The following ITPK1 variants were observed in gnomAD, a reference collection of about 807,000 sequenced individuals.
ITPK1 encodes the protein inositol-tetrakisphosphate 1-kinase, also known as inositol 1,3,4-trisphosphate 5/6-kinase.
A neutral mutation model predicts 45.3 loss-of-function variants in ITPK1; 21 were observed. The observed-to-expected ratio is 0.46, with a 90% CI of 0.33 to 0.67. The LOEUF (loss-of-function observed/expected upper bound fraction) is 0.67. Ranked by LOEUF, ITPK1 falls within the 30% of genes least tolerant of loss-of-function variation. The pLI, the probability that ITPK1 is intolerant of heterozygous loss-of-function variation, is 0.02. For synonymous variants in ITPK1, 258 were observed against 253.6 expected (o/e 1.02, Z -0.16); for missense variants, 474 against 573.5 (o/e 0.83, Z 1.77).
At chr14:93,096,851 C>T (rs1406101287) in intron 2 of ITPK1, among the ~76,000 whole-genome samples, 1 of 152,160 alleles carries the variant, frequency 6.6e-6, no homozygotes, top group African/African-American at 2.4e-5. Flanking sequence ...ACACCAGGCC[C>T]CAATCCAGGA....
At chr14:93,022,657 G>A (rs1047850001) in intron 3 of ITPK1, among the ~76,000 whole-genome samples, 6 of 151,858 alleles carry the variant, frequency 4.0e-5, no homozygotes, top group African/African-American at 7.3e-5. Context: ...GATTACAAGC[G>A]TGCACCACCA....
intron 8 of ITPK1, among the ~76,000 whole-genome samples, chr14:92,954,666 C>T (rs750096271): frequency 1.3e-5 from 2 of 152,142 alleles, no homozygotes; most frequent in African/African-American, 2.4e-5. Flanking sequence ...TAAGATTAGC[C>T]CCCAAACATC....
At chr14:92,983,633 G>A (rs1024288592) in intron 5 of ITPK1, among the ~76,000 whole-genome samples, 1 of 152,124 alleles carries the variant, frequency 6.6e-6, no homozygotes, top group Admixed American at 6.5e-5. Flanking sequence ...CATCAATCGA[G>A]GTGGGTACGG....
intron 3 of ITPK1, among the ~76,000 whole-genome samples, chr14:93,025,580 AT>A (rs1235711489): frequency 6.6e-6 from 1 of 152,182 alleles, no homozygotes; most frequent in African/African-American, 2.4e-5. Context: ...TCTCAACAAC[AT>A]TTACTTACCC....
intron 3 of ITPK1, among the ~76,000 whole-genome samples, chr14:93,029,721 G>A (rs1272455482): frequency 1.3e-5 from 2 of 152,142 alleles, no homozygotes; most frequent in African/African-American, 4.8e-5. Context: ...TCCTGGGCAT[G>A]ACTCTTGTCC....
intron 10 of ITPK1, among the ~76,000 whole-genome samples, chr14:92,944,762 T>C (rs1481455331): frequency 6.6e-6 from 1 of 152,128 alleles, no homozygotes; most frequent in Non-Finnish European, 1.5e-5. Flanking sequence ...GGTTCCCTCA[T>C]ACCTGCCAGC....
At position 93,062,855 on chromosome 14, in the gene ITPK1, G is replaced by T. The variant is rs935010939; in HGVS notation, c.120+13740C>A. Among the ~76,000 whole-genome samples the T allele has an allele frequency of 1.2e-4, 19 of 152,346 alleles. 1 individual carries two copies. The highest frequency in any genetic ancestry group is 3.4e-4 in the African/African-American group (14 of 41,582). On this transcript the variant is annotated intron_variant, in intron 3 of 10. Coordinates refer to ENST00000267615, the MANE Select transcript of ITPK1 (RefSeq NM_014216.6). ...AAGAAGATATACTGGGTGGGCAGGGGTCCTTGTCCCTGATGGACAAAGGAA... is the reference window on the plus strand; with the variant it reads ...AAGAAGATATACTGGGTGGGCAGGGTTCCTTGTCCCTGATGGACAAAGGAA...
chr14:93,013,405 A>C (rs182472911), intron 4 of ITPK1, among the ~76,000 whole-genome samples: 1 of 152,294 alleles, frequency 6.6e-6, no homozygotes, highest in East Asian at 1.9e-4. Context: ...CCTGCCCACC[A>C]GGGCAGCCAG....
At chr14:93,109,303 C>A (rs1892648714) in intron 2 of ITPK1, among the ~76,000 whole-genome samples, 1 of 152,192 alleles carries the variant, frequency 6.6e-6, no homozygotes, top group African/African-American at 2.4e-5. Context: ...AACAGTAATA[C>A]ATATGGAGAG....
rs551054360 is a variant in ITPK1, at chr14:92,982,220, G to A, written c.364+11660C>T. The stretch of plus-strand genomic sequence containing the variant: ...AGTCAACCCCAAGATCCCTGTGGCC[G>A]GGCAACACCCTGCATGATCGCCAGA... On this transcript the variant is annotated intron_variant, in intron 5 of 10. Coordinates refer to ENST00000267615, the MANE Select transcript of ITPK1 (RefSeq NM_014216.6). Among the ~76,000 whole-genome samples the A allele has an allele frequency of 1.8e-3, 277 of 152,334 alleles. 1 individual carries two copies. The highest frequency in any genetic ancestry group is 3.0e-3 in the Admixed American group (46 of 15,304).
intron 8 of ITPK1, among the ~76,000 whole-genome samples, chr14:92,954,429 A>G (rs1205161632): frequency 6.6e-6 from 1 of 152,136 alleles, no homozygotes; most frequent in East Asian, 1.9e-4. Context: ...TTCCTCTAAC[A>G]CACCAGACCA....
At chr14:92,946,760 G>A (rs1047600231) in intron 9 of ITPK1, among the ~76,000 whole-genome samples, 3 of 152,252 alleles carry the variant, frequency 2.0e-5, no homozygotes, top group African/African-American at 7.2e-5. Context: ...ATTACACACA[G>A]GGAAACCGGA....
At chr14:92,955,288 T>G (rs1884637740) in intron 8 of ITPK1, among the ~76,000 whole-genome samples, 1 of 152,170 alleles carries the variant, frequency 6.6e-6, no homozygotes, top group Non-Finnish European at 1.5e-5. Context: ...TAATTTGGCC[T>G]TTTGCAAAAA....
intron 10 of ITPK1, among the ~76,000 whole-genome samples, chr14:92,942,122 A>C (rs970714022): frequency 1.3e-5 from 2 of 152,212 alleles, no homozygotes; most frequent in African/African-American, 4.8e-5. Flanking sequence ...CTCGACCTTC[A>C]GCTGTTGCCA....
Position 93,076,644 on chromosome 14 carries a change from A to G in ITPK1, c.96-25T>C, listed in dbSNP as rs779000393. The G allele has an allele frequency of 6.2e-7, 1 of 1,614,020 alleles. No individual in the cohort carries two copies. Among genetic ancestry groups the G allele is most frequent in the South Asian group, 1.1e-5 (1 of 91,074 alleles). ...CCTGTGGAGAAAAACAAAGAAAACA[A>G]GCGTTACTCCAGCAGGCTGGACACG... On this transcript the variant is annotated intron_variant, in intron 2 of 10. Coordinates refer to ENST00000267615, the MANE Select transcript of ITPK1 (RefSeq NM_014216.6). This position sits in a 1 kb window ranked among gnomAD's most constrained non-coding sequence, Gnocchi z 4.3.
At chr14:93,100,048 T>C (rs1892246990) in intron 2 of ITPK1, among the ~76,000 whole-genome samples, 1 of 152,194 alleles carries the variant, frequency 6.6e-6, no homozygotes, top group African/African-American at 2.4e-5. Flanking sequence ...ATCCCTCCCC[T>C]GCCTCTGGGA....
chr14:92,999,562 C>T (rs1464698342), intron 4 of ITPK1, among the ~76,000 whole-genome samples: 1 of 152,244 alleles, frequency 6.6e-6, no homozygotes, highest in South Asian at 2.1e-4. Flanking sequence ...AGACCCCACA[C>T]AGAGCCTGGA....
chr14:92,994,249 C>A (rs534440445), intron 4 of ITPK1, among the ~76,000 whole-genome samples: 1 of 152,206 alleles, frequency 6.6e-6, no homozygotes, highest in Non-Finnish European at 1.5e-5. Flanking sequence ...AGGCTCAGGG[C>A]AGGCCGCCTG....
At chr14:93,040,650 C>T (rs1889521895) in intron 3 of ITPK1, among the ~76,000 whole-genome samples, 1 of 152,228 alleles carries the variant, frequency 6.6e-6, no homozygotes, top group South Asian at 2.1e-4. Context: ...TCCCAGCCTT[C>T]TCTGAAGGGC....
Sources: allele counts gnomAD v4.1 joint callset (sites outside exome capture counted in the v4.1 genomes callset), GRCh38; gene constraint gnomAD v4.1.1; non-coding constraint Gnocchi (gnomAD v3.1); transcripts MANE v1.5; gene names NCBI Gene and HGNC (gene_info 2026-07-23, HGNC 2026-07-21).